PTPRN2: variants seen among roughly 807,000 people sequenced by gnomAD.
PTPRN2 encodes the protein protein tyrosine phosphatase receptor type N2, also known as receptor-type tyrosine-protein phosphatase N2.
A neutral mutation model predicts 118.8 loss-of-function variants in PTPRN2; 74 were observed. The observed-to-expected ratio is 0.62, with a 90% confidence interval of 0.52 to 0.76. PTPRN2 has a LOEUF of 0.76. Among genes scored for constraint, PTPRN2 ranks in the 30% least tolerant of loss-of-function variants. PTPRN2 has a pLI of 0.00. For missense variants in PTPRN2, 1,481 were observed against 1,394.4 expected, an observed-to-expected ratio of 1.06 and a Z score of -0.99; for synonymous variants, 641 against 608.0, an observed-to-expected ratio of 1.05 and a Z score of -0.80.
At chr7:157,841,329 T>C (rs1022177101) in intron 12 of PTPRN2, among the ~76,000 whole-genome samples, 1 of 152,214 alleles carries the variant, frequency 6.6e-6, no homozygotes, top group Non-Finnish European at 1.5e-5. Context: ...GGACATTATC[T>C]AAAGTGCAGA....
At chr7:158,493,353 G>A (rs370092888) in intron 1 of PTPRN2, among the ~76,000 whole-genome samples, 74 of 146,190 alleles carry the variant, frequency 5.1e-4, no homozygotes, top group African/African-American at 1.6e-3. Context: ...ATACACACAC[G>A]CACACCTGCA....
At chr7:157,824,036 T>G (rs1158376920) in intron 12 of PTPRN2, among the ~76,000 whole-genome samples, 1 of 152,150 alleles carries the variant, frequency 6.6e-6, no homozygotes, top group African/African-American at 2.4e-5. Flanking sequence ...CTTCAAGCCC[T>G]CATAGAGAAC....
intron 3 of PTPRN2, among the ~76,000 whole-genome samples, chr7:158,303,180 A>AC (rs1801019763): frequency 2.6e-5 from 4 of 152,252 alleles, no homozygotes; most frequent in African/African-American, 9.6e-5. Context: ...AAAAAAAAAA[A>AC]AAAAATTCTT....
At position 157,820,347 on chromosome 7, in the gene PTPRN2, TCAAA is replaced by T. The variant is rs144040055; in HGVS notation, c.1788+78322_1788+78325del. 2.2e-4 allele frequency among the ~76,000 whole-genome samples: 29 copies of T among 133,940 alleles called. No individual in the cohort carries two copies. In the East Asian group the frequency reaches 5.7e-3, roughly 26 times the overall value. The allele number at this position is 133,940 out of a possible 152,430, so 87.9% of individuals were successfully genotyped here. On this transcript the variant is annotated intron_variant, in intron 12 of 22. Coordinates refer to ENST00000389418, the MANE Select transcript of PTPRN2 (RefSeq NM_002847.5). ...ACACACAACACAGTCACATATGCAC[TCAAA>T]CATACATGCACACAGCAGACCCATA... is the stretch of plus-strand genomic sequence containing the variant.
At position 157,974,382 on chromosome 7, in the gene PTPRN2, C is replaced by T. The variant is rs1802576143; in HGVS notation, c.1724-75645G>A. Among the ~76,000 whole-genome samples, 1 of 152,224 alleles carries T rather than the reference C, an allele frequency of 6.6e-6. No homozygotes were observed. The highest frequency in any genetic ancestry group is 2.4e-5 in the African/African-American group (1 of 41,452). On this transcript the variant is annotated intron_variant, in intron 11 of 22. Coordinates refer to ENST00000389418, the MANE Select transcript of PTPRN2 (RefSeq NM_002847.5). The surrounding 1 kb of genome is among the most constrained non-coding windows in gnomAD (Gnocchi z 4.0). ...TTTAATTTCAAACAGGGCCCTTCCA[C>T]CTGCCCTTGATTCCCTGTGGCACCT...
At chr7:158,227,294 G>A (rs1040789198) in intron 3 of PTPRN2, among the ~76,000 whole-genome samples, 10 of 152,208 alleles carry the variant, frequency 6.6e-5, no homozygotes, top group Non-Finnish European at 1.3e-4. Context: ...GTGCTCAGGA[G>A]CCAGGAGAAG....
intron 1 of PTPRN2, among the ~76,000 whole-genome samples, chr7:158,554,353 A>C (rs981465071): frequency 1.3e-5 from 2 of 152,190 alleles, no homozygotes; most frequent in Non-Finnish European, 2.9e-5. Context: ...AAACCAGGAG[A>C]CAATTGGTTG....
intron 12 of PTPRN2, among the ~76,000 whole-genome samples, chr7:157,703,577 GT>G (rs1396763953): frequency 6.6e-6 from 1 of 152,152 alleles, no homozygotes; most frequent in Non-Finnish European, 1.5e-5. Context: ...ACGTCAAGCC[GT>G]CCAGGAGAGA....
At chr7:157,963,352 A>G (rs1801678205) in intron 11 of PTPRN2, among the ~76,000 whole-genome samples, 1 of 152,276 alleles carries the variant, frequency 6.6e-6, no homozygotes, top group Non-Finnish European at 1.5e-5. Flanking sequence ...TAATGGCAGA[A>G]ACAAGGTTTT....
chr7:158,252,431 C>T (rs1011648795), intron 3 of PTPRN2, among the ~76,000 whole-genome samples: 1 of 152,142 alleles, frequency 6.6e-6, no homozygotes, highest in Non-Finnish European at 1.5e-5. Flanking sequence ...GGCAGGCAGA[C>T]CCAAGCATAC....
chr7:157,770,301 T>G (rs1238158912), intron 12 of PTPRN2, among the ~76,000 whole-genome samples: 1 of 152,230 alleles, frequency 6.6e-6, no homozygotes, highest in Admixed American at 6.5e-5. Flanking sequence ...ACAGAATGCA[T>G]GATGTCAGTA....
At chr7:157,935,827 CA>C (rs1799663865) in intron 11 of PTPRN2, among the ~76,000 whole-genome samples, 1 of 151,572 alleles carries the variant, frequency 6.6e-6, no homozygotes, top group African/African-American at 2.4e-5. Context: ...GTCACTCCCT[CA>C]GGGGGGTCTA....
intron 6 of PTPRN2, among the ~76,000 whole-genome samples, chr7:158,143,529 G>A (rs905436986): frequency 6.6e-6 from 1 of 152,164 alleles, no homozygotes; most frequent in Non-Finnish European, 1.5e-5. Context: ...TCCCCGTGAT[G>A]GAATTTCATC....
intron 6 of PTPRN2, among the ~76,000 whole-genome samples, chr7:158,149,579 G>T (rs977718293): frequency 6.6e-6 from 1 of 152,136 alleles, no homozygotes; most frequent in Non-Finnish European, 1.5e-5. Flanking sequence ...GAGGTGGGTG[G>T]ATCACCTGAG....
chr7:158,413,878 G>A (rs1290404908), intron 2 of PTPRN2, among the ~76,000 whole-genome samples: 2 of 152,096 alleles, frequency 1.3e-5, no homozygotes, highest in Non-Finnish European at 1.5e-5. Flanking sequence ...GATGGCTCAC[G>A]CCTGTAATCC....
At chr7:158,584,224 G>A (rs1031210718) in intron 1 of PTPRN2, among the ~76,000 whole-genome samples, 1 of 152,154 alleles carries the variant, frequency 6.6e-6, no homozygotes, top group Admixed American at 6.5e-5. Flanking sequence ...GGAAGGGGGG[G>A]CCTTTATAAA....
chr7:157,833,883 G>A (rs1807755467), intron 12 of PTPRN2, among the ~76,000 whole-genome samples: 1 of 152,216 alleles, frequency 6.6e-6, no homozygotes, highest in Admixed American at 6.5e-5. Context: ...CGGACAGGAC[G>A]TGGGCAGCTG....
intron 6 of PTPRN2, among the ~76,000 whole-genome samples, chr7:158,163,835 T>C (rs533631667): frequency 1.9e-3 from 297 of 152,344 alleles, no homozygotes; most frequent in East Asian, 2.1e-3. Context: ...GTATATTTCG[T>C]AGGTGACGCC....
chr7:158,406,071 CCG>C (rs1813400222), intron 2 of PTPRN2, among the ~76,000 whole-genome samples: 3 of 112,984 alleles, frequency 2.7e-5, no homozygotes, highest in Admixed American at 8.2e-5. Context: ...CACTGAGATC[CCG>C]CAGTGGCTCA....
Sources: allele counts gnomAD v4.1 joint callset (sites outside exome capture counted in the v4.1 genomes callset), GRCh38; gene constraint gnomAD v4.1.1; non-coding constraint Gnocchi (gnomAD v3.1); transcripts MANE v1.5; gene names NCBI Gene and HGNC (gene_info 2026-07-23, HGNC 2026-07-21).